The following NTNG1 variants were observed in gnomAD, a reference collection of about 807,000 sequenced individuals.
The protein encoded by NTNG1 is netrin G1.
In NTNG1, 16 loss-of-function variants were observed where a neutral mutation model predicts 54.0. That is an observed-to-expected ratio of 0.30 (90% confidence interval 0.20 to 0.45). The LOEUF is 0.45. NTNG1 is among the 20% of genes least tolerant of loss of function. The pLI, the probability that NTNG1 is intolerant of heterozygous loss-of-function variation, is 1.00. For synonymous variants in NTNG1, 255 were observed against 263.1 expected (o/e 0.97, Z 0.30); for missense variants, 530 against 678.7 (o/e 0.78, Z 2.43).
intron 2 of NTNG1, among the ~76,000 whole-genome samples, chr1:107,183,720 C>A (rs1296200035): frequency 6.6e-6 from 1 of 152,036 alleles, no homozygotes; most frequent in African/African-American, 2.4e-5. Flanking sequence ...TTCAGAATCC[C>A]GAATGAGCTA....
chr1:107,254,569 G>T (rs1011409301), intron 2 of NTNG1, among the ~76,000 whole-genome samples: 3 of 152,212 alleles, frequency 2.0e-5, no homozygotes, highest in Non-Finnish European at 4.4e-5. Flanking sequence ...AAACTTCATG[G>T]GGTTATGTGA....
intron 4 of NTNG1, 169 bp downstream of exon 4, chr1:107,395,495 A>G: frequency 1.3e-6 from 1 of 764,004 alleles, no homozygotes; most frequent in South Asian, 1.4e-5. Flanking sequence ...ATCTTTTAGC[A>G]CTCTGATCAT....
In NTNG1 at chr1:107,480,765, C is replaced by T. The variant is rs1183147104; in HGVS notation, c.1545C>T (p.Gly515=). The T allele has an allele frequency of 1.9e-6, 3 of 1,604,060 alleles. No homozygotes were observed. Among genetic ancestry groups the T allele is most frequent in the South Asian group, 2.2e-5 (2 of 89,528 alleles). Residue 515 remains glycine, a synonymous_variant, in exon 8 of 8, where the codon GGC becomes GGT. Transcript: ENST00000370068. Reference sequence around the variant, plus strand: ...GCTGCGGCTCCGACTCTGGCCAGGGCGCGCCCCCGCACGGCTCCCCAGCGC... The same window carrying T: ...GCTGCGGCTCCGACTCTGGCCAGGGTGCGCCCCCGCACGGCTCCCCAGCGC... ...AGSCGSDSGQ[G]APPHGSPALL...
chr1:107,265,276 G>A (rs1325458748), intron 2 of NTNG1, among the ~76,000 whole-genome samples: 3 of 151,820 alleles, frequency 2.0e-5, no homozygotes, highest in Non-Finnish European at 4.4e-5. Flanking sequence ...ACTATACTTT[G>A]GTAAACTGTT....
intron 2 of NTNG1, among the ~76,000 whole-genome samples, chr1:107,159,688 T>G (rs1570731421): frequency 6.6e-6 from 1 of 152,230 alleles, no homozygotes; most frequent in East Asian, 1.9e-4. Flanking sequence ...GAAAACCTTT[T>G]TTAAAAAATC....
chr1:107,405,601 T>C (rs1673365793), intron 4 of NTNG1, among the ~76,000 whole-genome samples: 1 of 152,186 alleles, frequency 6.6e-6, no homozygotes, highest in South Asian at 2.1e-4. Context: ...TCAAACAGTC[T>C]TGCGGCTTTG....
chr1:107,423,301 A>T (rs1674687604), intron 5 of NTNG1, among the ~76,000 whole-genome samples: 1 of 152,038 alleles, frequency 6.6e-6, no homozygotes, highest in Non-Finnish European at 1.5e-5. Context: ...GACATTTGGC[A>T]ATGTCTGGAG....
At chr1:107,151,409 T>G (rs1453907083) in intron 2 of NTNG1, among the ~76,000 whole-genome samples, 3 of 152,312 alleles carry the variant, frequency 2.0e-5, no homozygotes, top group Admixed American at 6.5e-5. Context: ...TTATGACTTA[T>G]GCGTTCTCCC....
At chr1:107,194,848 C>T (rs577167837) in intron 2 of NTNG1, among the ~76,000 whole-genome samples, 6 of 151,928 alleles carry the variant, frequency 3.9e-5, no homozygotes, top group South Asian at 2.1e-4. Context: ...GTATCTATGG[C>T]GATCAACTAG....
At chr1:107,403,421 G>A (rs1673173433) in intron 4 of NTNG1, among the ~76,000 whole-genome samples, 1 of 151,948 alleles carries the variant, frequency 6.6e-6, no homozygotes, top group Non-Finnish European at 1.5e-5. Flanking sequence ...TAAAACTCAT[G>A]CACTGGGGCT....
Position 107,250,525 on chromosome 1 carries a change from G to A in NTNG1, c.247-73757G>A, listed in dbSNP as rs181806114. ...GTATACCTATGTAACAAACCTGCACGTTCTGCACATGTATCCCAGAACTGA... is the reference window on the plus strand; with the variant it reads ...GTATACCTATGTAACAAACCTGCACATTCTGCACATGTATCCCAGAACTGA... On this transcript the variant is annotated intron_variant, in intron 2 of 7. Coordinates refer to ENST00000370068, the MANE Select transcript of NTNG1 (RefSeq NM_001113226.3). 2.7e-3 allele frequency among the ~76,000 whole-genome samples: 405 copies of A among 151,858 alleles called. 3 individuals carry two copies. In the Middle Eastern group the frequency reaches 0.034, roughly 13 times the overall value.
intron 4 of NTNG1, among the ~76,000 whole-genome samples, chr1:107,396,329 G>T (rs778186324): frequency 1.2e-4 from 18 of 151,994 alleles, no homozygotes; most frequent in Non-Finnish European, 1.8e-4. Flanking sequence ...ATAGGAACCA[G>T]GACTTTATCA....
At chr1:107,295,646 A>G (rs1477044076) in intron 2 of NTNG1, among the ~76,000 whole-genome samples, 5 of 152,178 alleles carry the variant, frequency 3.3e-5, no homozygotes, top group African/African-American at 4.8e-5. Flanking sequence ...ATACATTAAT[A>G]ACAATGTACA....
At chr1:107,293,756 A>G (rs1195716704) in intron 2 of NTNG1, among the ~76,000 whole-genome samples, 1 of 152,192 alleles carries the variant, frequency 6.6e-6, no homozygotes, top group Non-Finnish European at 1.5e-5. Flanking sequence ...GGCACAGAGC[A>G]CTCAATAAAA....
At position 107,467,911 on chromosome 1, in the gene NTNG1, G is replaced by T. The variant is rs72701245; in HGVS notation, c.1391-12700G>T. 5.9e-5 allele frequency among the ~76,000 whole-genome samples: 9 copies of T among 152,190 alleles called. No individual in the cohort carries two copies. In the South Asian group the frequency reaches 1.2e-3, roughly 21 times the overall value. On this transcript the variant is annotated intron_variant, in intron 7 of 7. Coordinates refer to ENST00000370068, the MANE Select transcript of NTNG1 (RefSeq NM_001113226.3). ...TCCTGTCATCATTTTGCACATTCTC[G>T]TGATTCCATAATGTTGTTTTCCTCA...
chr1:107,440,755 C>T (rs1333788669), intron 7 of NTNG1, among the ~76,000 whole-genome samples: 3 of 152,040 alleles, frequency 2.0e-5, no homozygotes, highest in Non-Finnish European at 4.4e-5. Flanking sequence ...AAGCTGACCC[C>T]AAAGCAATTA....
At chr1:107,273,490 G>T (rs999638992) in intron 2 of NTNG1, among the ~76,000 whole-genome samples, 3 of 152,200 alleles carry the variant, frequency 2.0e-5, no homozygotes, top group Non-Finnish European at 4.4e-5. Context: ...TAGGGAAGGG[G>T]TTAGTTTGGT....
chr1:107,340,738 A>G (rs752188058), intron 3 of NTNG1, among the ~76,000 whole-genome samples: 29 of 152,060 alleles, frequency 1.9e-4, no homozygotes, highest in Non-Finnish European at 3.7e-4. Context: ...ATAGAGAGGC[A>G]ACAGAGAGTG....
Position 107,481,053 on chromosome 1 carries a change from C to A in NTNG1, c.*213C>A. 3.8e-6 allele frequency: 2 copies of A among 521,554 alleles called. No homozygotes were observed. The highest frequency in any genetic ancestry group is 6.9e-6 in the Non-Finnish European group (2 of 291,492). 32.3% of individuals were successfully genotyped at this position (521,554 alleles called of 1,614,324 possible). A position where few individuals can be genotyped will look rare whatever the true frequency, so the allele number is the denominator to read the frequency against. ...TAATTTCTGACTCCAGAGGAGTTGG[C>A]AGCTGTTGATATTATCACTGCAAAT... On this transcript the variant is annotated 3_prime_UTR_variant, in exon 8 of 8. Coordinates refer to ENST00000370068, the MANE Select transcript of NTNG1 (RefSeq NM_001113226.3).
Sources: gnomAD v4.1 joint callset for allele counts (sites outside exome capture counted in the v4.1 genomes callset) on GRCh38, gnomAD v4.1.1 for gene constraint, MANE v1.5 for transcripts, NCBI Gene and HGNC (gene_info 2026-07-23, HGNC 2026-07-21) for gene names.